The following GLI3 variants were observed in gnomAD, a reference collection of about 807,000 sequenced individuals.
GLI3 encodes the protein GLI family zinc finger 3.
In GLI3, 20 loss-of-function variants were observed where a neutral mutation model predicts 100.8. That is an observed-to-expected ratio of 0.20 (90% CI 0.14 to 0.29). The LOEUF is 0.29. Among genes scored for constraint, GLI3 ranks in the 10% least tolerant of loss-of-function variants. The pLI is 1.00. For missense variants in GLI3, 2,040 were observed against 2,128.5 expected, an observed-to-expected ratio of 0.96 and a Z score of 0.82; for synonymous variants, 938 against 860.5, an observed-to-expected ratio of 1.09 and a Z score of -1.58.
chr7:42,089,432 C>T (rs1240924631), intron 3 of GLI3, among the ~76,000 whole-genome samples: 1 of 152,212 alleles, frequency 6.6e-6, no homozygotes, highest in African/African-American at 2.4e-5. Context: ...AGGCAACAGA[C>T]CAAATTGATG....
At chr7:41,989,987 CA>C (rs60763223) in intron 10 of GLI3, among the ~76,000 whole-genome samples, 4,998 of 62,718 alleles carry the variant, frequency 0.08, 66 homozygotes, top group African/African-American at 0.12. Context: ...ACTCTGTCTC[CA>C]AAAAAAAAAA....
chr7:42,015,677 T>C (rs1788739111), intron 10 of GLI3, among the ~76,000 whole-genome samples: 1 of 151,310 alleles, frequency 6.6e-6, no homozygotes, highest in Non-Finnish European at 1.5e-5. Context: ...TACTGAGAAC[T>C]ACTGTGTGCC....
intron 2 of GLI3, among the ~76,000 whole-genome samples, chr7:42,194,151 A>G (rs971226913): frequency 6.6e-6 from 1 of 152,234 alleles, no homozygotes; most frequent in Non-Finnish European, 1.5e-5. Context: ...AACTGCTTGC[A>G]GAAAAACCTT....
At chr7:42,196,155 T>A (rs1787924253) in intron 2 of GLI3, among the ~76,000 whole-genome samples, 1 of 152,218 alleles carries the variant, frequency 6.6e-6, no homozygotes, top group South Asian at 2.1e-4. Flanking sequence ...GCTCTCTTCA[T>A]TTACTCATGA....
chr7:42,228,590 G>A (rs1788632143), intron 1 of GLI3, among the ~76,000 whole-genome samples: 1 of 152,184 alleles, frequency 6.6e-6, no homozygotes. Context: ...TGCGTTCAGA[G>A]GGCTCTTTTA....
intron 10 of GLI3, among the ~76,000 whole-genome samples, chr7:41,993,519 T>C (rs1204131074): frequency 4.6e-5 from 7 of 152,146 alleles, no homozygotes; most frequent in Non-Finnish European, 7.3e-5. Context: ...CACACTATAA[T>C]TTACTGACTG....
At chr7:42,260,919 T>C (rs1789131068) in intron 1 of GLI3, among the ~76,000 whole-genome samples, 1 of 152,190 alleles carries the variant, frequency 6.6e-6, no homozygotes, top group South Asian at 2.1e-4. Flanking sequence ...TATTTATATA[T>C]TCACAATCCA....
intron 2 of GLI3, among the ~76,000 whole-genome samples, chr7:42,217,225 G>A (rs184382468): frequency 7.2e-5 from 11 of 152,118 alleles, no homozygotes; most frequent in Non-Finnish European, 1.2e-4. Context: ...CCTCAAAACC[G>A]GTAGGACATG....
intron 2 of GLI3, among the ~76,000 whole-genome samples, chr7:42,202,885 C>T (rs1788075721): frequency 6.6e-6 from 1 of 152,186 alleles, no homozygotes; most frequent in Non-Finnish European, 1.5e-5. Flanking sequence ...AGCATCTTTT[C>T]CCATTCCTCA....
chr7:42,077,142 C>A (rs1222363423), intron 3 of GLI3, among the ~76,000 whole-genome samples: 1 of 152,248 alleles, frequency 6.6e-6, no homozygotes, highest in Non-Finnish European at 1.5e-5. Context: ...GGCTCCCTAT[C>A]TTGAAAGACA....
intron 3 of GLI3, among the ~76,000 whole-genome samples, chr7:42,086,048 C>T (rs1047786474): frequency 1.3e-5 from 2 of 152,148 alleles, no homozygotes; most frequent in Non-Finnish European, 2.9e-5. Flanking sequence ...ATCTGCAGTT[C>T]CTGTCAATCA....
intron 4 of GLI3, among the ~76,000 whole-genome samples, chr7:42,054,524 T>C (rs1784413076): frequency 6.6e-6 from 1 of 152,198 alleles, no homozygotes; most frequent in Non-Finnish European, 1.5e-5. Flanking sequence ...GTTTTTTACA[T>C]AAGCTTATTT....
rs775206253 is a variant in GLI3, at chr7:41,965,111, C to T, written c.3962G>A (p.Gly1321Glu). ...GMQNQDPVGQ[G>E]YLAHQLLGDS... is the part of the protein sequence containing the mutation. ...GCCGAGGAGCTGGTGAGCCAGGTAC[C>T]CCTGTCCCACTGGGTCCTGGTTCTG... Residue 1321 changes from glycine to glutamate, a missense_variant, in exon 15 of 15, where the codon GGG becomes GAG. Around this residue, in one of 5 missense-constraint regions of GLI3, gnomAD observed 1,041 missense variants for 924.0 expected, o/e 1.13. Transcript: ENST00000395925. 6.2e-7 allele frequency: 1 copy of T among 1,613,780 alleles called. No homozygotes were observed. The highest frequency in any genetic ancestry group is 1.1e-5 in the South Asian group (1 of 91,092).
rs746153277 is a variant in GLI3, at chr7:41,972,671, A to G, written c.1813-44T>C. On this transcript the variant is annotated intron_variant, in intron 12 of 14. Coordinates refer to ENST00000395925, the MANE Select transcript of GLI3 (RefSeq NM_000168.6). This position sits in a 1 kb window ranked among gnomAD's most constrained non-coding sequence, Gnocchi z 4.4. ...ACGAGGTAAGAGATTGTTATGAAAG[A>G]GACTATGCCCCAGCCCAAAAGTCCT... is the stretch of plus-strand genomic sequence containing the variant. The G allele has an allele frequency of 6.5e-7, 1 of 1,536,628 alleles. No homozygotes were observed. The highest frequency in any genetic ancestry group is 1.1e-5 in the South Asian group (1 of 88,928).
Position 41,972,630 on chromosome 7 carries a change from G to T in GLI3, c.1813-3C>A. On this transcript the variant is annotated splice_region_variant and splice_polypyrimidine_tract_variant and intron_variant, in intron 12 of 14. Coordinates refer to ENST00000395925, the MANE Select transcript of GLI3 (RefSeq NM_000168.6). The surrounding 1 kb of genome is among the most constrained non-coding windows in gnomAD (Gnocchi z 4.4). ...GGGATTTTGCACACATATGGTTTCT[G>T]CCAAATCCCACAAGAACGAGGTAAG... The T allele has an allele frequency of 6.2e-7, 1 of 1,601,926 alleles. No individual in the cohort carries two copies. Among genetic ancestry groups the T allele is most frequent in the Non-Finnish European group, 8.5e-7 (1 of 1,179,174 alleles).
At chr7:42,134,650 G>A (rs899943961) in intron 3 of GLI3, among the ~76,000 whole-genome samples, 3 of 152,116 alleles carry the variant, frequency 2.0e-5, no homozygotes, top group East Asian at 1.9e-4. Flanking sequence ...GACTAGCTGC[G>A]CACCACCCTC....
chr7:42,229,532 G>T (rs10252367), intron 1 of GLI3, among the ~76,000 whole-genome samples: 55,649 of 152,070 alleles, frequency 0.37, 12,170 homozygotes, highest in East Asian at 0.71. Context: ...GAATAATCTT[G>T]ATTTGCTGTT....
At chr7:42,187,367 C>A (rs1002522706) in intron 2 of GLI3, among the ~76,000 whole-genome samples, 2 of 151,852 alleles carry the variant, frequency 1.3e-5, no homozygotes, top group South Asian at 2.1e-4. Context: ...TTTGTATTAA[C>A]AAGGAAGAAG....
intron 4 of GLI3, among the ~76,000 whole-genome samples, chr7:42,059,762 A>C (rs1328429607): frequency 1.3e-5 from 2 of 152,366 alleles, no homozygotes; most frequent in Middle Eastern, 3.4e-3. Flanking sequence ...ATCTGCATTA[A>C]GAAAGCACAC....
Sources: gnomAD v4.1 joint callset for allele counts (sites outside exome capture counted in the v4.1 genomes callset) on GRCh38, gnomAD v4.1.1 for gene constraint, gnomAD v4.1.1 regional missense constraint, Gnocchi (gnomAD v3.1) non-coding constraint, MANE v1.5 for transcripts, NCBI Gene and HGNC (gene_info 2026-07-23, HGNC 2026-07-21) for gene names.